The following THAP12 variants were observed in gnomAD, a reference collection of about 807,000 sequenced individuals.
THAP12 encodes the protein THAP domain containing 12, also known as 52 kDa repressor of the inhibitor of the protein kinase.
In THAP12, 20 loss-of-function variants were observed where a neutral mutation model predicts 63.0. That is an observed-to-expected ratio of 0.32 (90% CI 0.22 to 0.46). The LOEUF (loss-of-function observed/expected upper bound fraction) is 0.46, where lower values mean the gene tolerates loss of function less well. THAP12 is among the 20% of genes least tolerant of loss of function. The pLI is 1.00. For synonymous variants in THAP12, 264 were observed against 328.4 expected, an observed-to-expected ratio of 0.80 and a Z score of 2.12; for missense variants, 568 against 908.2, an observed-to-expected ratio of 0.63 and a Z score of 4.81.
intron 3 of THAP12, chr11:76,357,545 A>G (rs1040400415): frequency 1.3e-5 from 2 of 152,170 alleles, no homozygotes; most frequent in Admixed American, 6.5e-5. Flanking sequence ...ACCTTCTAAA[A>G]AGCTTTGAGG....
At position 76,360,959 on chromosome 11, in the gene THAP12, T is replaced by C. The variant is rs1251327656; in HGVS notation, c.315A>G (p.Glu105=). ...PHSRHRKRIK[E]LSEDEIRTLK... ...AGCTGAAAGTACATAGACATACCAG[T>C]TCTTTTATTCGTTTTCTGTGTCTAC... Residue 105 remains glutamate (E), a synonymous_variant, in exon 3 of 5, where the codon GAA becomes GAG. Coordinates refer to ENST00000260045, the MANE Select transcript of THAP12 (RefSeq NM_004705.4). 6.3e-7 allele frequency: 1 copy of C among 1,585,660 alleles called. No homozygotes were observed. The highest frequency in any genetic ancestry group is 2.2e-5 in the East Asian group (1 of 44,724).
intron 4 of THAP12, 123 bp downstream of exon 4, chr11:76,355,495 G>T: frequency 1.2e-6 from 1 of 848,856 alleles, no homozygotes; most frequent in South Asian, 2.3e-5. Flanking sequence ...GGACAAAATT[G>T]AGCACACTCC....
At chr11:76,365,179 G>A (rs1054218222) in intron 2 of THAP12, among the ~76,000 whole-genome samples, 1 of 151,964 alleles carries the variant, frequency 6.6e-6, no homozygotes, top group African/African-American at 2.4e-5. Flanking sequence ...CTACTTGGGA[G>A]GCTGAGGAGA....
intron 1 of THAP12, among the ~76,000 whole-genome samples, chr11:76,379,474 C>T (rs1565237574): frequency 6.6e-6 from 1 of 152,290 alleles, no homozygotes; most frequent in East Asian, 1.9e-4. Flanking sequence ...ACACACCTTT[C>T]TGGTCTCATC....
At position 76,350,957 on chromosome 11, in the gene THAP12, G is replaced by A. The variant is rs370881439; in HGVS notation, c.2193C>T (p.His731=). The change falls in exon 5 of 5, where the codon CAC becomes CAT. Residue 731 remains histidine (H), a synonymous_variant. Transcript: ENST00000260045. ...ALLNINFDIK[H]DLDLMVDTYI... Reference sequence around the variant, plus strand: ...ATGTGTCCACCATTAAATCCAGGTCGTGTTTTATATCAAAATTTATGTTAA... The same window carrying A: ...ATGTGTCCACCATTAAATCCAGGTCATGTTTTATATCAAAATTTATGTTAA... 1.5e-5 allele frequency: 24 copies of A among 1,610,848 alleles called. No individual in the cohort carries two copies. In the African/African-American group the frequency reaches 2.1e-4, roughly 14 times the overall value.
At chr11:76,370,564 A>G (rs1946666198) in intron 1 of THAP12, among the ~76,000 whole-genome samples, 1 of 152,022 alleles carries the variant, frequency 6.6e-6, no homozygotes, top group South Asian at 2.1e-4. Context: ...GGGTTTCACC[A>G]TGTTCCCCAG....
intron 1 of THAP12, among the ~76,000 whole-genome samples, chr11:76,374,386 CAAAA>C (rs34052754): frequency 1.4e-5 from 2 of 138,746 alleles, no homozygotes; most frequent in East Asian, 2.2e-4. Context: ...ATTCATTATA[CAAAA>C]AAAAAAAAAA....
intron 1 of THAP12, among the ~76,000 whole-genome samples, chr11:76,369,374 G>A (rs2134511307): frequency 6.6e-6 from 1 of 152,346 alleles, no homozygotes; most frequent in Admixed American, 6.5e-5. Context: ...GTAATGTTAA[G>A]CAGAAGAAGC....
chr11:76,356,177 G>C (rs1035818649), intron 3 of THAP12: 1 of 152,346 alleles, frequency 6.6e-6, no homozygotes, highest in South Asian at 2.1e-4. Flanking sequence ...GGCACCAATA[G>C]GGTTAGACAA....
intron 1 of THAP12, among the ~76,000 whole-genome samples, chr11:76,379,295 C>T (rs1386693684): frequency 6.6e-6 from 1 of 152,198 alleles, no homozygotes. Context: ...AACTGGTCTT[C>T]CGGCTTTCAC....
chr11:76,351,778 T>C lies in THAP12; in HGVS notation c.1372A>G (p.Arg458Gly). 1 of 1,613,270 alleles carries C rather than the reference T, an allele frequency of 6.2e-7. No homozygotes were observed. The highest frequency in any genetic ancestry group is 8.5e-7 in the Non-Finnish European group (1 of 1,179,466). ...LDGINSDTNI[R>G]WNNYIAGRAF... ...CGGCCAGCTATATAGTTATTCCATC[T>C]AATATTTGTGTCACTATTTATACCA... Residue 458 changes from arginine to glycine, a missense_variant, in exon 5 of 5, where the codon AGA becomes GGA. Transcript: ENST00000260045.
chr11:76,363,056 T>C (rs117405332), intron 2 of THAP12, among the ~76,000 whole-genome samples: 6,316 of 152,190 alleles, frequency 0.042, 169 homozygotes, highest in East Asian at 0.08. Flanking sequence ...GCGGGGAGGA[T>C]TGCTTGAGCC....
At chr11:76,372,999 C>T (rs1311261317) in intron 1 of THAP12, among the ~76,000 whole-genome samples, 1 of 152,142 alleles carries the variant, frequency 6.6e-6, no homozygotes, top group East Asian at 1.9e-4. Context: ...AAAAAGTTAG[C>T]TAACCTCTCT....
Position 76,351,906 on chromosome 11 carries a change from C to T in THAP12, c.1244G>A (p.Arg415Lys). ...GCAGATTTCCTTCAGTTCTTTACCC[C>T]TTTCTTTACTGTTCTGAAAAAGAAC... ...ISVLFQNSKE[R>K]GKELKEICHS... Residue 415 changes from arginine (R) to lysine (K), a missense_variant, in exon 5 of 5, where the codon AGG (arginine) becomes AAG (lysine). Transcript: ENST00000260045. 6.3e-7 allele frequency: 1 copy of T among 1,599,362 alleles called. No individual in the cohort carries two copies. Among genetic ancestry groups the T allele is most frequent in the Non-Finnish European group, 8.5e-7 (1 of 1,174,486 alleles).
chr11:76,355,737 C>T, intron 3 of THAP12, 83 bp from the exon 4 acceptor site: 1 of 1,113,710 alleles, frequency 9.0e-7, no homozygotes, highest in African/African-American at 1.6e-5. Context: ...CTCACAAATA[C>T]AAATGCCTAT....
chr11:76,354,036 T>C (rs1418364224), intron 4 of THAP12, among the ~76,000 whole-genome samples: 2 of 151,974 alleles, frequency 1.3e-5, no homozygotes, highest in African/African-American at 4.8e-5. Flanking sequence ...TGGAGGGCGG[T>C]GGGGAGAAAC....
chr11:76,379,407 C>T (rs543689953), intron 1 of THAP12, among the ~76,000 whole-genome samples: 1 of 152,310 alleles, frequency 6.6e-6, no homozygotes, highest in African/African-American at 2.4e-5. Flanking sequence ...ATAATAAAAA[C>T]CATAGTGCCT....
At chr11:76,361,739 C>G (rs1264313899) in intron 2 of THAP12, among the ~76,000 whole-genome samples, 1 of 152,204 alleles carries the variant, frequency 6.6e-6, no homozygotes, top group Non-Finnish European at 1.5e-5. Context: ...TTTACACAAT[C>G]TACTCATTTT....
Position 76,370,573 on chromosome 11 carries a change from A to C in THAP12, c.90-4601T>G, listed in dbSNP as rs1018245822. On this transcript the variant is annotated intron_variant, in intron 1 of 4. Transcript: ENST00000260045. Reference sequence around the variant, plus strand: ...GAGACGGGGTTTCACCATGTTCCCCAGGTTAGTCTGAAACGCCTGGGTGAA... The same window carrying C: ...GAGACGGGGTTTCACCATGTTCCCCCGGTTAGTCTGAAACGCCTGGGTGAA... Among the ~76,000 whole-genome samples the C allele has an allele frequency of 1.1e-4, 17 of 152,214 alleles. No homozygotes were observed. The East Asian group carries it at 3.3e-3, about 29-fold the overall frequency.
Sources: allele counts gnomAD v4.1 joint callset (sites outside exome capture counted in the v4.1 genomes callset), GRCh38; gene constraint gnomAD v4.1.1; transcripts MANE v1.5; gene names NCBI Gene and HGNC (gene_info 2026-07-23, HGNC 2026-07-21).